Variants in ROCK2 observed in about 807,000 individuals in gnomAD.
ROCK2 encodes rho-associated protein kinase 2.
In ROCK2, 61 loss-of-function variants were observed where a neutral mutation model predicts 195.1. That is an observed-to-expected ratio of 0.31 (90% CI 0.25 to 0.39). The LOEUF is 0.39. ROCK2 is among the 10% of genes least tolerant of loss of function. ROCK2 has a pLI of 1.00. For missense variants in ROCK2, 1,109 were observed against 1,637.4 expected (o/e 0.68, Z 5.57); for synonymous variants, 504 against 545.5 (o/e 0.92, Z 1.06).
At chr2:11,236,095 G>T (rs1665193977) in intron 4 of ROCK2, 133 bp from the exon 5 acceptor site, 1 of 827,176 alleles carries the variant, frequency 1.2e-6, no homozygotes, top group Non-Finnish European at 1.7e-6. Flanking sequence ...AAATTTATGA[G>T]ATCTTTTATT....
At chr2:11,326,242 G>GT (rs35639092) in intron 1 of ROCK2, among the ~76,000 whole-genome samples, 110,786 of 151,276 alleles carry the variant, frequency 0.73, 42,244 homozygotes, top group East Asian at 0.94. Context: ...AAAAAAAAAA[G>GT]TAAGGAACAT....
chr2:11,205,775 TACA>T (rs1001183566), intron 20 of ROCK2, among the ~76,000 whole-genome samples: 5 of 152,124 alleles, frequency 3.3e-5, no homozygotes, highest in Admixed American at 6.6e-5. Flanking sequence ...TAATCATTCA[TACA>T]ACATTTATTG....
chr2:11,297,688 A>G (rs148580485), intron 1 of ROCK2, among the ~76,000 whole-genome samples: 72 of 152,320 alleles, frequency 4.7e-4, no homozygotes, highest in African/African-American at 1.7e-3. Flanking sequence ...TGATAAACAC[A>G]TCTATTCTAA....
At chr2:11,316,034 T>C (rs1668180081) in intron 1 of ROCK2, among the ~76,000 whole-genome samples, 1 of 152,120 alleles carries the variant, frequency 6.6e-6, no homozygotes, top group Non-Finnish European at 1.5e-5. Context: ...ATGTAGCTAA[T>C]GGCTATTATA....
At chr2:11,330,360 T>C (rs1240184064) in intron 1 of ROCK2, among the ~76,000 whole-genome samples, 1 of 152,194 alleles carries the variant, frequency 6.6e-6, no homozygotes, top group Non-Finnish European at 1.5e-5. Context: ...GTAGTTTTGT[T>C]AGCCATGAGA....
At chr2:11,216,614 G>A (rs1460405905) in intron 12 of ROCK2, among the ~76,000 whole-genome samples, 5 of 148,734 alleles carry the variant, frequency 3.4e-5, no homozygotes, top group African/African-American at 9.9e-5. Context: ...AGGTTCAAGC[G>A]ACTGTCCCGC....
chr2:11,304,215 A>C (rs1438266042), intron 1 of ROCK2, among the ~76,000 whole-genome samples: 7 of 152,330 alleles, frequency 4.6e-5, no homozygotes, highest in African/African-American at 1.7e-4. Context: ...GCTATTCATC[A>C]GCTTTTTCTG....
chr2:11,259,170 G>T (rs902449684), intron 3 of ROCK2, among the ~76,000 whole-genome samples: 1 of 151,342 alleles, frequency 6.6e-6, no homozygotes, highest in Non-Finnish European at 1.5e-5. Context: ...TTTAGGCTGA[G>T]AATTACATTA....
In ROCK2 at chr2:11,182,328, G is replaced by C. The variant is rs1425279736; in HGVS notation, c.*1109C>G. 1 of 152,128 alleles carries C rather than the reference G, an allele frequency of 6.6e-6. No homozygotes were observed. Among genetic ancestry groups the C allele is most frequent in the Non-Finnish European group, 1.5e-5 (1 of 68,030 alleles). The allele number at this position is 152,128 out of a possible 1,614,324, so 9.4% of individuals were successfully genotyped here. A position where few individuals can be genotyped will look rare whatever the true frequency, so the allele number is the denominator to read the frequency against. ...TTGGGAAAAATTTTGAATCTTAAGT[G>C]TGAAAATGTAATCACAAATGTCTTT... On this transcript the variant is annotated 3_prime_UTR_variant, in exon 33 of 33. Transcript: ENST00000315872.
chr2:11,309,360 C>T (rs1314789985), intron 1 of ROCK2, among the ~76,000 whole-genome samples: 3 of 152,092 alleles, frequency 2.0e-5, no homozygotes, highest in African/African-American at 4.8e-5. Flanking sequence ...TAGAACCAGT[C>T]TCCCACAGAC....
chr2:11,304,970 T>C (rs893868871), intron 1 of ROCK2, among the ~76,000 whole-genome samples: 5 of 152,160 alleles, frequency 3.3e-5, no homozygotes, highest in Non-Finnish European at 5.9e-5. Context: ...CTCATACTAA[T>C]GATAGAATAA....
chr2:11,214,229 C>A, intron 17 of ROCK2, 128 bp downstream of exon 17: 1 of 604,250 alleles, frequency 1.7e-6, no homozygotes. Flanking sequence ...ACATCAAGTC[C>A]AAATCAAAAG....
At chr2:11,313,137 A>G (rs1668087087) in intron 1 of ROCK2, among the ~76,000 whole-genome samples, 1 of 152,142 alleles carries the variant, frequency 6.6e-6, no homozygotes, top group South Asian at 2.1e-4. Flanking sequence ...GTTAATAATA[A>G]TGTATCAACA....
intron 3 of ROCK2, 65 bp from the exon 4 acceptor site, chr2:11,249,863 T>C (rs1000600027): frequency 8.4e-5 from 107 of 1,273,342 alleles, no homozygotes; most frequent in Non-Finnish European, 1.1e-4. Flanking sequence ...AAATAGATGA[T>C]ACTATAATGC....
At chr2:11,322,687 C>T (rs987765415) in intron 1 of ROCK2, among the ~76,000 whole-genome samples, 3 of 152,170 alleles carry the variant, frequency 2.0e-5, no homozygotes, top group Non-Finnish European at 4.4e-5. Context: ...ACTATAACTT[C>T]TTAAAAGTAC....
intron 1 of ROCK2, among the ~76,000 whole-genome samples, chr2:11,329,358 G>C (rs1668646330): frequency 6.6e-6 from 1 of 150,922 alleles, no homozygotes; most frequent in South Asian, 2.1e-4. Context: ...GAGTAGTTCT[G>C]TTTAAAAGAA....
In ROCK2 at chr2:11,180,014, C is replaced by T. The variant is rs549895609; in HGVS notation, c.*3423G>A. ...GAGGCCCCCCCCCAAGCATGATATC[C>T]AGCGCTGTCACACAGTGCTTATGTT... On this transcript the variant is annotated 3_prime_UTR_variant, in exon 33 of 33. Coordinates refer to ENST00000315872, the MANE Select transcript of ROCK2 (RefSeq NM_004850.5). 3 of 151,834 alleles carry T rather than the reference C, an allele frequency of 2.0e-5. No individual in the cohort carries two copies. The highest frequency in any genetic ancestry group is 4.4e-5 in the Non-Finnish European group (3 of 67,984). The allele number at this position is 151,834 out of a possible 1,614,324, so 9.4% of individuals were successfully genotyped here.
intron 20 of ROCK2, among the ~76,000 whole-genome samples, chr2:11,203,358 G>T (rs939164444): frequency 4.6e-5 from 7 of 152,090 alleles, no homozygotes; most frequent in Admixed American, 3.3e-4. Flanking sequence ...TATTTGTTCA[G>T]ATATATAGAT....
At chr2:11,323,526 C>A (rs1207195513) in intron 1 of ROCK2, among the ~76,000 whole-genome samples, 3 of 152,136 alleles carry the variant, frequency 2.0e-5, no homozygotes, top group African/African-American at 7.2e-5. Flanking sequence ...TTTAATCAGA[C>A]AGGTAAGAGG....
Sources: gnomAD v4.1 joint callset for allele counts (sites outside exome capture counted in the v4.1 genomes callset) on GRCh38, gnomAD v4.1.1 for gene constraint, MANE v1.5 for transcripts, NCBI Gene and HGNC (gene_info 2026-07-23, HGNC 2026-07-21) for gene names.